Variants in ATP6V0A4 observed in about 807,000 individuals in gnomAD.
ATP6V0A4 encodes ATPase H+ transporting V0 subunit a4, also known as V-type proton ATPase 116 kDa subunit a 4.
Under a neutral mutation model 107.3 loss-of-function variants are expected in ATP6V0A4, and 86 were observed. The observed-to-expected ratio is 0.80, with a 90% CI of 0.67 to 0.96. The LOEUF is 0.96. Among genes scored for constraint, ATP6V0A4 ranks in the 40% least tolerant of loss-of-function variants. The pLI is 0.00. For synonymous variants in ATP6V0A4, 353 were observed against 381.4 expected, an observed-to-expected ratio of 0.93 and a Z score of 0.87; for missense variants, 908 against 1,045.6, an observed-to-expected ratio of 0.87 and a Z score of 1.81.
chr7:138,782,967 C>G (rs556437211), intron 2 of ATP6V0A4, among the ~76,000 whole-genome samples: 2 of 152,138 alleles, frequency 1.3e-5, no homozygotes, highest in African/African-American at 4.8e-5. Context: ...CCCAGCTACT[C>G]GGGAGGCTGA....
intron 21 of ATP6V0A4, among the ~76,000 whole-genome samples, chr7:138,707,799 G>A (rs1338478518): frequency 6.6e-6 from 1 of 150,414 alleles, no homozygotes; most frequent in African/African-American, 2.5e-5. Flanking sequence ...CTGCTTGTGG[G>A]CTCATGGTCA....
At chr7:138,727,529 A>T (rs1443972077) in intron 18 of ATP6V0A4, among the ~76,000 whole-genome samples, 3 of 152,170 alleles carry the variant, frequency 2.0e-5, no homozygotes, top group Non-Finnish European at 1.5e-5. Flanking sequence ...TCGGACTGGC[A>T]TAAGGAGACA....
chr7:138,709,413 A>AGT (rs1343220448), intron 21 of ATP6V0A4, among the ~76,000 whole-genome samples: 1 of 151,832 alleles, frequency 6.6e-6, no homozygotes, highest in Admixed American at 6.6e-5. Flanking sequence ...AGTATGAATG[A>AGT]GTGTGTGTGT....
At chr7:138,784,623 A>T (rs147263433) in intron 2 of ATP6V0A4, among the ~76,000 whole-genome samples, 1 of 152,080 alleles carries the variant, frequency 6.6e-6, no homozygotes, top group African/African-American at 2.4e-5. Context: ...TGGCCTAAAC[A>T]TAATATTTTT....
intron 8 of ATP6V0A4, among the ~76,000 whole-genome samples, chr7:138,758,571 C>A (rs1267636852): frequency 6.6e-6 from 1 of 152,028 alleles, no homozygotes; most frequent in Non-Finnish European, 1.5e-5. Context: ...GGTGAGACAG[C>A]AACATCCGAC....
rs559369291 is a variant in ATP6V0A4, at chr7:138,790,047, A to T, written c.-120-3787T>A. Among the ~76,000 whole-genome samples the T allele has an allele frequency of 9.2e-4, 140 of 152,068 alleles. 1 individual carries two copies. Among genetic ancestry groups the T allele is most frequent in the African/African-American group, 3.3e-3 (135 of 41,484 alleles). On this transcript the variant is annotated intron_variant, in intron 1 of 21. Coordinates refer to ENST00000310018, the MANE Select transcript of ATP6V0A4 (RefSeq NM_020632.3). ...AAATAATATACACATTCATTATTTT[A>T]AAATGGAAACACAAAAAAGTATTAA...
rs757190930 is a variant in ATP6V0A4, at chr7:138,762,970, G to C, written c.347C>G (p.Ala116Gly). 3 of 1,614,096 alleles carry C rather than the reference G, an allele frequency of 1.9e-6. No homozygotes were observed. Among genetic ancestry groups the C allele is most frequent in the East Asian group, 2.2e-5 (1 of 44,882 alleles). Reference sequence around the variant, plus strand: ...CAGTTCTAGGAAGCTTTGTTTCAAGGCCTGCTGGTTCTGGTTGGCTTCCTG... The same window carrying C: ...CAGTTCTAGGAAGCTTTGTTTCAAGCCCTGCTGGTTCTGGTTGGCTTCCTG... ...ELQEANQNQQ[A>G]LKQSFLELTE... The change falls in exon 6 of 22, where the codon GCC (alanine) becomes GGC (glycine). Residue 116 changes from alanine (A) to glycine (G), a missense_variant. Ala to Gly is a moderately conservative substitution (Grantham distance 60). Transcript: ENST00000310018.
At chr7:138,717,190 G>A (rs1043333193) in intron 19 of ATP6V0A4, among the ~76,000 whole-genome samples, 3 of 152,254 alleles carry the variant, frequency 2.0e-5, no homozygotes, top group Non-Finnish European at 2.9e-5. Flanking sequence ...CCGAAGCCCC[G>A]AAGAAAAGTC....
chr7:138,780,669 G>T (rs1227987705), intron 2 of ATP6V0A4, among the ~76,000 whole-genome samples: 2 of 152,136 alleles, frequency 1.3e-5, no homozygotes, highest in Non-Finnish European at 2.9e-5. Context: ...AGCCCATTAG[G>T]CAATGTCAGG....
chr7:138,710,255 G>A (rs1584884545), intron 20 of ATP6V0A4, among the ~76,000 whole-genome samples: 2 of 150,684 alleles, frequency 1.3e-5, no homozygotes, highest in East Asian at 2.0e-4. Context: ...GCAATGGCGT[G>A]ATCTTGGCTC....
At chr7:138,749,340 C>T in intron 11 of ATP6V0A4, 23 bp from the exon 12 acceptor site, 1 of 1,600,242 alleles carries the variant, frequency 6.2e-7, no homozygotes, top group Non-Finnish European at 8.5e-7. Context: ...AAAAAAGCGA[C>T]AAAGATGTAA....
rs752903587 is a variant in ATP6V0A4, at chr7:138,739,578, C to A, written c.1534G>T (p.Val512Leu). Residue 512 changes from valine (V) to leucine (L), a missense_variant, in exon 15 of 22, where the codon GTG becomes TTG. Val to Leu is a conservative substitution (Grantham distance 32, BLOSUM62 1). Coordinates refer to ENST00000310018, the MANE Select transcript of ATP6V0A4 (RefSeq NM_020632.3). ...YLQLDPAIPG[V>L]YFGNPYPFGI... ...AACGGGTATGGATTTCCAAAATACA[C>A]TCCTGGTATGGCTGGGTCCAGCTGC... 13 of 1,614,194 alleles carry A rather than the reference C, an allele frequency of 8.1e-6. No homozygotes were observed. Among genetic ancestry groups the A allele is most frequent in the East Asian group, 6.7e-5 (3 of 44,888 alleles).
chr7:138,736,160 T>G (rs943790496), intron 15 of ATP6V0A4, among the ~76,000 whole-genome samples: 3 of 152,112 alleles, frequency 2.0e-5, no homozygotes, highest in African/African-American at 7.2e-5. Flanking sequence ...GCAGGGAGAT[T>G]GAGGCCCAGG....
intron 18 of ATP6V0A4, among the ~76,000 whole-genome samples, chr7:138,723,881 G>C (rs1804566639): frequency 1.3e-5 from 2 of 151,926 alleles, no homozygotes; most frequent in Non-Finnish European, 2.9e-5. Flanking sequence ...CTCTGGGCAA[G>C]AGCAAAGACA....
In ATP6V0A4 at chr7:138,757,109, A is replaced by G. The variant is rs547876705; in HGVS notation, c.640-569T>C. On this transcript the variant is annotated intron_variant, in intron 8 of 21. Transcript: ENST00000310018. ...GTTGGACAATTCACAAGAAAGGAAG[A>G]TGTGTTCCACAAGCAGACATGCAAA... 4.6e-5 allele frequency among the ~76,000 whole-genome samples: 7 copies of G among 152,352 alleles called. No homozygotes were observed. The East Asian group carries it at 1.3e-3, about 29-fold the overall frequency.
chr7:138,726,198 C>T (rs1376396814), intron 18 of ATP6V0A4, among the ~76,000 whole-genome samples: 1 of 152,152 alleles, frequency 6.6e-6, no homozygotes, highest in South Asian at 2.1e-4. Context: ...ACCGTGTTAG[C>T]CAGGATGGTC....
At chr7:138,754,756 G>A (rs1036586498) in intron 10 of ATP6V0A4, among the ~76,000 whole-genome samples, 1 of 151,982 alleles carries the variant, frequency 6.6e-6, no homozygotes. Context: ...CCGAGTAGCT[G>A]AGACTAGACT....
intron 8 of ATP6V0A4, among the ~76,000 whole-genome samples, chr7:138,759,484 A>T (rs757399178): frequency 1.3e-5 from 2 of 152,112 alleles, no homozygotes; most frequent in Non-Finnish European, 2.9e-5. Flanking sequence ...GTACTAGTAT[A>T]ACTAAGTTCT....
chr7:138,771,395 G>T, intron 2 of ATP6V0A4, 131 bp from the exon 3 acceptor site: 3 of 1,058,036 alleles, frequency 2.8e-6, no homozygotes, highest in Non-Finnish European at 3.9e-6. Flanking sequence ...TCTGATTTTA[G>T]GAGACTTTTT....
Sources: gnomAD v4.1 joint callset for allele counts (sites outside exome capture counted in the v4.1 genomes callset) on GRCh38, gnomAD v4.1.1 for gene constraint, MANE v1.5 for transcripts, NCBI Gene and HGNC (gene_info 2026-07-23, HGNC 2026-07-21) for gene names.